RBFOX1: variants seen among roughly 807,000 people sequenced by gnomAD.
The protein encoded by RBFOX1 is RNA binding fox-1 homolog 1, also known as RNA binding protein fox-1 homolog 1.
A neutral mutation model predicts 57.7 loss-of-function variants in RBFOX1; 8 were observed. That is an observed-to-expected ratio of 0.14 (90% confidence interval 0.08 to 0.25). The LOEUF (loss-of-function observed/expected upper bound fraction) is 0.25, where lower values mean the gene tolerates loss of function less well. Ranked by LOEUF, RBFOX1 falls within the 10% of genes least tolerant of loss-of-function variation. The pLI is 1.00. For missense variants in RBFOX1, 611 were observed against 548.5 expected (o/e 1.11, Z -1.14); for synonymous variants, 326 against 222.4 (o/e 1.47, Z -4.15).
At chr16:5,646,806 T>A (rs558502130) in intron 3 of RBFOX1, among the ~76,000 whole-genome samples, 2 of 151,938 alleles carry the variant, frequency 1.3e-5, no homozygotes, top group Non-Finnish European at 2.9e-5. Flanking sequence ...GGCTAATTTT[T>A]ATATTTTTAG....
chr16:7,049,276 A>G (rs2049108495), intron 3 of RBFOX1, among the ~76,000 whole-genome samples: 2 of 152,156 alleles, frequency 1.3e-5, no homozygotes, highest in Admixed American at 6.5e-5. Context: ...TCAAGAGAAG[A>G]GAGGAAATAA....
rs1362949762 is a variant in RBFOX1, at chr16:5,969,090, C to G, written c.351+101755C>G. On this transcript the variant is annotated intron_variant, in intron 4 of 19. Transcript: ENST00000641259. ...TCTGTCACCTCATTTTTATGCCTTT[C>G]TAATTCTGATTTATATTGTTTTCCA... is the stretch of plus-strand genomic sequence containing the variant. Among the ~76,000 whole-genome samples the G allele has an allele frequency of 3.9e-5, 6 of 151,990 alleles. No homozygotes were observed. In the East Asian group the frequency reaches 1.2e-3, roughly 29 times the overall value.
In RBFOX1 at chr16:7,233,750, C is replaced by T. The variant is rs189725576; in HGVS notation, c.27+181652C>T. 3.8e-3 allele frequency among the ~76,000 whole-genome samples: 582 copies of T among 152,270 alleles called. 3 individuals carry two copies. The highest frequency in any genetic ancestry group is 0.013 in the African/African-American group (545 of 41,558). ...TATATGTGTCAGAGAAACATAACAA[C>T]ATTTGGGAATTTATTAAATGGCAGT... On this transcript the variant is annotated intron_variant, in intron 4 of 15. Transcript: ENST00000550418.
intron 4 of RBFOX1, among the ~76,000 whole-genome samples, chr16:5,966,990 TC>T (rs1243070776): frequency 2.9e-4 from 5 of 17,008 alleles, no homozygotes; most frequent in Admixed American, 2.6e-3. Flanking sequence ...TTGCACTAAA[TC>T]GGGGGGGGGG....
At chr16:7,180,082 A>G (rs559972020) in intron 4 of RBFOX1, among the ~76,000 whole-genome samples, 2 of 152,148 alleles carry the variant, frequency 1.3e-5, no homozygotes, top group East Asian at 3.9e-4. Context: ...TTTCTCAGAG[A>G]AAATATTTCT....
intron 5 of RBFOX1, among the ~76,000 whole-genome samples, chr16:7,529,060 A>G (rs1600978561): frequency 6.6e-6 from 1 of 152,186 alleles, no homozygotes; most frequent in Non-Finnish European, 1.5e-5. Context: ...GTGATTCAAG[A>G]CCAGCCTGGT....
chr16:6,002,900 A>C (rs899375916), intron 4 of RBFOX1, among the ~76,000 whole-genome samples: 34 of 152,150 alleles, frequency 2.2e-4, no homozygotes, highest in Non-Finnish European at 4.4e-4. Flanking sequence ...CTCTACACAT[A>C]CTTCCATCCT....
intron 3 of RBFOX1, among the ~76,000 whole-genome samples, chr16:5,853,047 A>G (rs1363614675): frequency 6.6e-6 from 1 of 152,074 alleles, no homozygotes; most frequent in African/African-American, 2.4e-5. Context: ...ATAGAATTAT[A>G]TGTTTACAGA....
At chr16:6,657,036 C>T (rs2098661999) in intron 3 of RBFOX1, among the ~76,000 whole-genome samples, 1 of 92,714 alleles carries the variant, frequency 1.1e-5, no homozygotes, top group Admixed American at 1.2e-4. Flanking sequence ...TCCTGTCCTC[C>T]CCTTTCCTCT....
intron 3 of RBFOX1, among the ~76,000 whole-genome samples, chr16:5,848,980 A>C (rs1016131805): frequency 1.4e-4 from 21 of 151,612 alleles, no homozygotes; most frequent in Admixed American, 7.9e-4. Flanking sequence ...ACAACAACAA[A>C]AAAAAACAGA....
intron 3 of RBFOX1, among the ~76,000 whole-genome samples, chr16:5,781,334 A>G (rs947398138): frequency 5.3e-5 from 8 of 152,174 alleles, no homozygotes; most frequent in African/African-American, 1.7e-4. Flanking sequence ...TATTGACTCT[A>G]TTGAACCTAT....
rs539187155 is a variant in RBFOX1, at chr16:6,625,678, C to T, written c.-63-28925C>T. On this transcript the variant is annotated intron_variant, in intron 2 of 15. Coordinates refer to ENST00000550418, the MANE Select transcript of RBFOX1 (RefSeq NM_018723.4). ...GCCCCAAGAAATGCAGAGCAATCTG[C>T]CTTATCAGTATCTCTTCCAATTAAT... 1.4e-3 allele frequency among the ~76,000 whole-genome samples: 217 copies of T among 150,182 alleles called. 1 individual carries two copies. The highest frequency in any genetic ancestry group is 4.9e-3 in the African/African-American group (203 of 41,064).
chr16:6,856,050 C>G lies in RBFOX1; in HGVS notation c.-15-196007C>G, dbSNP rs971673845. 2.0e-5 allele frequency among the ~76,000 whole-genome samples: 3 copies of G among 152,002 alleles called. 1 individual carries two copies. The highest frequency in any genetic ancestry group is 4.4e-5 in the Non-Finnish European group (3 of 68,024). On this transcript the variant is annotated intron_variant, in intron 3 of 15. Transcript: ENST00000550418. ...AGGGAATGGTGCTCATGGTATATGT[C>G]TCTCTGGGTTAATGGACCTCAGTGA...
intron 3 of RBFOX1, among the ~76,000 whole-genome samples, chr16:6,853,556 G>C (rs1254655325): frequency 6.6e-6 from 1 of 152,070 alleles, no homozygotes; most frequent in African/African-American, 2.4e-5. Flanking sequence ...TTTGGGTTAT[G>C]AGTGATTGAG....
At chr16:6,153,974 A>G (rs561970190) in intron 1 of RBFOX1, among the ~76,000 whole-genome samples, 4 of 152,354 alleles carry the variant, frequency 2.6e-5, no homozygotes, top group Admixed American at 2.6e-4. Context: ...AAGCAACAAC[A>G]CAATAAAACA....
At chr16:6,430,400 G>C (rs2094046087) in intron 2 of RBFOX1, among the ~76,000 whole-genome samples, 1 of 152,238 alleles carries the variant, frequency 6.6e-6, no homozygotes, top group Non-Finnish European at 1.5e-5. Context: ...GATTAATGCT[G>C]TCAGAGTGCA....
At chr16:6,142,489 G>A (rs1025796059) in intron 1 of RBFOX1, among the ~76,000 whole-genome samples, 11 of 151,992 alleles carry the variant, frequency 7.2e-5, no homozygotes, top group African/African-American at 2.4e-4. Context: ...CCAAAGCGCT[G>A]GGATTACAGG....
intron 4 of RBFOX1, among the ~76,000 whole-genome samples, chr16:7,227,436 A>G (rs760612424): frequency 2.0e-5 from 3 of 151,784 alleles, no homozygotes; most frequent in Non-Finnish European, 2.9e-5. Context: ...TCTGTCCCCA[A>G]CCGTATTAAT....
intron 3 of RBFOX1, among the ~76,000 whole-genome samples, chr16:5,664,027 G>T (rs1019713521): frequency 6.6e-6 from 1 of 152,146 alleles, no homozygotes; most frequent in Non-Finnish European, 1.5e-5. Context: ...CCCCACACAT[G>T]GAGGAGACAG....
Sources: allele counts gnomAD v4.1 joint callset (sites outside exome capture counted in the v4.1 genomes callset), GRCh38; gene constraint gnomAD v4.1.1; transcripts MANE v1.5; gene names NCBI Gene and HGNC (gene_info 2026-07-23, HGNC 2026-07-21).